Variants in USB1 observed in about 807,000 individuals in gnomAD.
USB1 encodes U6 snRNA phosphodiesterase 1.
USB1 carries 21 observed loss-of-function variants against 29.9 expected under a neutral mutation model. That is an observed-to-expected ratio of 0.70 (90% CI 0.50 to 1.01). The LOEUF (loss-of-function observed/expected upper bound fraction) is 1.01, where lower values mean the gene tolerates loss of function less well. Ranked by LOEUF, USB1 falls within the 50% of genes least tolerant of loss-of-function variation. The pLI is 0.00. For synonymous variants in USB1, 143 were observed against 134.9 expected (o/e 1.06, Z -0.42); for missense variants, 330 against 347.1 (o/e 0.95, Z 0.39).
intron 3 of USB1, chr16:58,012,537 C>A: frequency 7.5e-7 from 1 of 1,333,384 alleles, no homozygotes; most frequent in Non-Finnish European, 9.9e-7. Flanking sequence ...ACGAAGCCAC[C>A]GCATCTCCCG....
intron 3 of USB1, chr16:58,012,707 T>C: frequency 9.1e-7 from 1 of 1,102,360 alleles, no homozygotes; most frequent in Non-Finnish European, 1.1e-6. Flanking sequence ...GCTTCCCTTA[T>C]CCTGCGGAAG....
At position 58,020,492 on chromosome 16, in the gene USB1, CCT is replaced by C. The variant is rs1364814985; in HGVS notation, c.*252_*253del. 7.3e-6 allele frequency: 4 copies of C among 549,484 alleles called. No individual in the cohort carries two copies. The highest frequency in any genetic ancestry group is 3.2e-5 in the East Asian group (1 of 31,714). The allele number at this position is 549,484 out of a possible 1,614,324, so 34.0% of individuals were successfully genotyped here. On this transcript the variant is annotated 3_prime_UTR_variant, in exon 7 of 7. Transcript: ENST00000219281. ...TCTGTCTCTCTTCCTCTCCTCTCTT[CCT>C]CTCTTCTCTCTTCCTCTCCTCTCTC...
At chr16:58,012,251 C>T (rs1240696474) in intron 3 of USB1, 1 of 1,533,376 alleles carries the variant, frequency 6.5e-7, no homozygotes, top group Admixed American at 2.0e-5. Flanking sequence ...CCTAGTCCAG[C>T]CCTCCCCCTC....
Position 58,020,394 on chromosome 16 carries a change from T to C in USB1, c.*149T>C. On this transcript the variant is annotated 3_prime_UTR_variant, in exon 7 of 7. Coordinates refer to ENST00000219281, the MANE Select transcript of USB1 (RefSeq NM_024598.4). ...CAGGAGGTGTAGCCACTCCTCATCC[T>C]CCCTGAGTGCTGATATTCTCTCTCT... 1 of 709,912 alleles carries C rather than the reference T, an allele frequency of 1.4e-6. No individual in the cohort carries two copies. The highest frequency in any genetic ancestry group is 2.6e-6 in the Non-Finnish European group (1 of 390,168). The allele number at this position is 709,912 out of a possible 1,614,324, so 44.0% of individuals were successfully genotyped here.
chr16:58,012,791 G>C, intron 3 of USB1: 1 of 1,005,940 alleles, frequency 9.9e-7, no homozygotes, highest in African/African-American at 1.7e-5. Context: ...GCGCTAGGAA[G>C]ACAGCATGAA....
chr16:58,005,665 G>A, intron 2 of USB1, among the ~76,000 whole-genome samples: 1 of 152,190 alleles, frequency 6.6e-6, no homozygotes, highest in Non-Finnish European at 1.5e-5. Context: ...AACTCTTGTT[G>A]TTTTATATAT....
At position 58,010,086 on chromosome 16, in the gene USB1, G is replaced by C. The variant is rs774712588; in HGVS notation, c.423G>C (p.Leu141=). 6.2e-7 allele frequency: 1 copy of C among 1,614,062 alleles called. No homozygotes were observed. Among genetic ancestry groups the C allele is most frequent in the Non-Finnish European group, 8.5e-7 (1 of 1,180,006 alleles). The change falls in exon 3 of 7, where the codon CTG becomes CTC. Residue 141 remains leucine (L), a synonymous_variant. Coordinates refer to ENST00000219281, the MANE Select transcript of USB1 (RefSeq NM_024598.4). ...GGATCCTCCCCTTCGTGCAGGCTCT[G>C]AAAGCCCGTATGACCTCCTTCCACA... ...HHWILPFVQA[L]KARMTSFHRF...
chr16:58,001,242 G>C, upstream of USB1: 1 of 606,252 alleles, frequency 1.6e-6, no homozygotes, highest in Non-Finnish European at 2.9e-6. Flanking sequence ...AGGCTGGGGA[G>C]GTCCCAGCGG....
intron 4 of USB1, 123 bp from the exon 5 acceptor site, chr16:58,017,211 C>T (rs1050754996): frequency 2.4e-6 from 2 of 821,658 alleles, no homozygotes; most frequent in Non-Finnish European, 4.3e-6. Flanking sequence ...GCGAGTGTAC[C>T]AGGGAGACGG....
At chr16:58,014,146 G>T (rs1963559636) in intron 3 of USB1, 127 bp from the exon 4 acceptor site, 4 of 760,786 alleles carry the variant, frequency 5.3e-6, no homozygotes. Flanking sequence ...CCTGCATAAT[G>T]GGGTGATAAT....
At position 58,017,394 on chromosome 16, in the gene USB1, G is replaced by A. The variant is rs772079518; in HGVS notation, c.564G>A (p.Glu188=). ...CCCAGTTCCTGGACCTGGTTTCAGA[G>A]GTGGACAGAGTCATGGAGGAATTCA... ...GHAQFLDLVS[E]VDRVMEEFNL... is the part of the protein sequence containing the mutation. Residue 188 remains glutamate (E), a synonymous_variant, in exon 5 of 7, where the codon GAG becomes GAA. Coordinates refer to ENST00000219281, the MANE Select transcript of USB1 (RefSeq NM_024598.4). 4.2e-5 allele frequency: 67 copies of A among 1,614,104 alleles called. No homozygotes were observed. Among genetic ancestry groups the A allele is most frequent in the Non-Finnish European group, 5.2e-5 (61 of 1,180,040 alleles).
upstream of USB1, among the ~76,000 whole-genome samples, chr16:58,000,831 G>A (rs953436142): frequency 3.3e-5 from 5 of 152,082 alleles, no homozygotes; most frequent in Non-Finnish European, 4.4e-5. The surrounding 1 kb of genome is among the most constrained non-coding windows in gnomAD (Gnocchi z 4.5). Flanking sequence ...CGGGTGCTCC[G>A]GGCGGTTTTC....
At chr16:58,012,809 C>A (rs1028683802) in intron 3 of USB1, 76 of 996,266 alleles carry the variant, frequency 7.6e-5, no homozygotes, top group Non-Finnish European at 8.1e-5. Flanking sequence ...GAACTGCACC[C>A]CTCCAGGGAA....
At position 58,021,018 on chromosome 16, in the gene USB1, C is replaced by A; in HGVS notation, c.*773C>A. 6.5e-6 allele frequency: 1 copy of A among 153,692 alleles called. No homozygotes were observed. Among genetic ancestry groups the A allele is most frequent in the Admixed American group, 6.4e-5 (1 of 15,600 alleles). The allele number at this position is 153,692 out of a possible 1,614,324, so 9.5% of individuals were successfully genotyped here. On this transcript the variant is annotated 3_prime_UTR_variant, in exon 7 of 7. Coordinates refer to ENST00000219281, the MANE Select transcript of USB1 (RefSeq NM_024598.4). ...GCAATTTGTATTTTGATGCCATTGGCCTCAGATCAGAGTGTTTTAAATCAT... is the reference window on the plus strand; with the variant it reads ...GCAATTTGTATTTTGATGCCATTGGACTCAGATCAGAGTGTTTTAAATCAT...
intron 3 of USB1, chr16:58,011,175 A>C: frequency 6.6e-7 from 1 of 1,518,390 alleles, no homozygotes; most frequent in Non-Finnish European, 8.8e-7. Context: ...AGGAAATGAC[A>C]CAGGTTTTAG....
chr16:58,019,463 T>C (rs1963689911), intron 6 of USB1, among the ~76,000 whole-genome samples: 1 of 152,136 alleles, frequency 6.6e-6, no homozygotes, highest in Non-Finnish European at 1.5e-5. Context: ...ATGGGTGAAA[T>C]GTACCAGGGG....
In USB1 at chr16:58,002,160, G is replaced by C. The variant is rs541479768; in HGVS notation, c.99-319G>C. Among the ~76,000 whole-genome samples, 32 of 152,336 alleles carry C rather than the reference G, an allele frequency of 2.1e-4. No individual in the cohort carries two copies. In the South Asian group the frequency reaches 6.4e-3, roughly 31 times the overall value. ...AGATGAGGCATTTGAGGCCCAGAAA[G>C]GGGACATGACTTGCCCAAGGTCATA... On this transcript the variant is annotated intron_variant, in intron 1 of 6. Coordinates refer to ENST00000219281, the MANE Select transcript of USB1 (RefSeq NM_024598.4).
chr16:58,017,045 T>C (rs560901044), intron 4 of USB1: 12 of 438,256 alleles, frequency 2.7e-5, no homozygotes, highest in Non-Finnish European at 4.3e-5. Context: ...TGCAGAAGCT[T>C]CTGGGTTTGT....
chr16:58,016,385 A>T (rs1194700225), intron 4 of USB1: 1 of 152,266 alleles, frequency 6.6e-6, no homozygotes, highest in Middle Eastern at 3.2e-3. Context: ...TTTGCTATCT[A>T]TTGGACCCCT....
Sources: gnomAD v4.1 joint callset for allele counts (sites outside exome capture counted in the v4.1 genomes callset) on GRCh38, gnomAD v4.1.1 for gene constraint, Gnocchi (gnomAD v3.1) non-coding constraint, MANE v1.5 for transcripts, NCBI Gene and HGNC (gene_info 2026-07-23, HGNC 2026-07-21) for gene names.